RGPD3: variants seen among roughly 807,000 people sequenced by gnomAD.
RGPD3 encodes RANBP2 like and GRIP domain containing 3, also known as ranBP2-like and GRIP domain-containing protein 3.
A neutral mutation model predicts 154.5 loss-of-function variants in RGPD3; 62 were observed. That is an observed-to-expected ratio of 0.40 (90% CI 0.33 to 0.50). The LOEUF is 0.50. Among genes scored for constraint, RGPD3 ranks in the 20% least tolerant of loss-of-function variants. The probability of loss-of-function intolerance (pLI) is 0.59; values close to 1 mark genes in which losing one functional copy is unlikely to be tolerated. For synonymous variants in RGPD3, 308 were observed against 607.0 expected, an observed-to-expected ratio of 0.51 and a Z score of 7.24; for missense variants, 919 against 1,716.8, an observed-to-expected ratio of 0.54 and a Z score of 8.21.
upstream of RGPD3, among the ~76,000 whole-genome samples, chr2:106,470,149 A>T (rs977065468): frequency 6.6e-6 from 1 of 152,220 alleles, no homozygotes; most frequent in South Asian, 2.1e-4. Flanking sequence ...AGCACATAGA[A>T]AATGCCCAAA....
chr2:106,449,050 T>A (rs950213417), intron 6 of RGPD3, among the ~76,000 whole-genome samples: 4 of 151,580 alleles, frequency 2.6e-5, no homozygotes, highest in African/African-American at 9.7e-5. Flanking sequence ...AAAGAGGAAG[T>A]AAATGAGAAT....
intron 22 of RGPD3, among the ~76,000 whole-genome samples, chr2:106,411,344 GT>G (rs1406060193): frequency 1.5e-5 from 2 of 134,628 alleles, no homozygotes; most frequent in African/African-American, 5.6e-5. Context: ...CATCTATGAT[GT>G]ATTTTTGTCC....
intron 22 of RGPD3, among the ~76,000 whole-genome samples, chr2:106,408,553 GGTATTTACCAACACTCATGTA>G (rs1676577251): frequency 7.1e-6 from 1 of 141,050 alleles, no homozygotes; most frequent in Non-Finnish European, 1.5e-5. Flanking sequence ...GATACAGTCA[GGTATTTACCAACACTCATGTA>G]TATATGTAGA....
rs776159231 is a variant in RGPD3 at position 106,405,235 on chromosome 2, G to C, written c.5267-6C>G. ...GGAAGCATTTTATTCCTCACCTTTG[G>C]AAAGTAAAACAAAAAAAAAGAAAAA... is the stretch of plus-strand genomic sequence containing the variant. On this transcript the variant is annotated splice_polypyrimidine_tract_variant and splice_region_variant and intron_variant, in intron 22 of 22. Coordinates refer to ENST00000409886, the MANE Select transcript of RGPD3 (RefSeq NM_001144013.2). 50 of 1,602,942 alleles carry C rather than the reference G, an allele frequency of 3.1e-5. No individual in the cohort carries two copies. Among genetic ancestry groups the C allele is most frequent in the Non-Finnish European group, 4.2e-5 (49 of 1,177,430 alleles).
chr2:106,407,133 T>A (rs1457403092), intron 22 of RGPD3, among the ~76,000 whole-genome samples: 1 of 150,272 alleles, frequency 6.7e-6, no homozygotes, highest in Non-Finnish European at 1.5e-5. Context: ...ACTTATGTGG[T>A]AGTTGGAAGA....
chr2:106,464,184 A>G (rs976877407), intron 1 of RGPD3, among the ~76,000 whole-genome samples: 8 of 152,024 alleles, frequency 5.3e-5, no homozygotes, highest in Admixed American at 3.9e-4. Context: ...TCTCTACTAA[A>G]AACACTAAAA....
intron 6 of RGPD3, among the ~76,000 whole-genome samples, 193 bp from the exon 7 acceptor site, chr2:106,447,806 T>C (rs970538625): frequency 3.4e-5 from 5 of 149,170 alleles, no homozygotes; most frequent in African/African-American, 1.2e-4. Flanking sequence ...ATACTTCCTA[T>C]ACTTCATGCT....
At position 106,432,778 on chromosome 2, in the gene RGPD3, T is replaced by TAA. The variant is rs71272785; in HGVS notation, c.2469+155_2469+156dup. Among the ~76,000 whole-genome samples, 524 of 76,048 alleles carry TAA rather than the reference T, an allele frequency of 6.9e-3. 5 individuals carry two copies. The highest frequency in any genetic ancestry group is 0.016 in the African/African-American group (344 of 20,942). The allele number at this position is 76,048 out of a possible 152,430, so 49.9% of individuals were successfully genotyped here. Reference sequence around the variant, plus strand: ...CAGCCTGCACAACAAGACCCTGCCTTAAAAAAAAAAAAAAAAAAAAAAGAC... The same window carrying TAA: ...CAGCCTGCACAACAAGACCCTGCCTTAAAAAAAAAAAAAAAAAAAAAAAAGAC... On this transcript the variant is annotated intron_variant, in intron 17 of 22. Transcript: ENST00000409886.
intron 21 of RGPD3, among the ~76,000 whole-genome samples, chr2:106,414,458 G>T (rs1331578114): frequency 6.6e-6 from 1 of 151,330 alleles, no homozygotes; most frequent in African/African-American, 2.4e-5. Context: ...CATGCCTCTA[G>T]TAAAATAAAA....
rs1676490703 is a variant in RGPD3, at chr2:106,405,552, T to C, written c.5267-323A>G. On this transcript the variant is annotated intron_variant, in intron 22 of 22. Transcript: ENST00000409886. ...CCACCATGCCTGGGTAATTTTTTGT[T>C]TTTTGGTAGAGATGCAGGTCTCACT... Among the ~76,000 whole-genome samples, 3 of 151,676 alleles carry C rather than the reference T, an allele frequency of 2.0e-5. No individual in the cohort carries two copies. The South Asian group carries it at 6.2e-4, about 32-fold the overall frequency.
At chr2:106,467,191 A>C (rs1321575159) in intron 1 of RGPD3, among the ~76,000 whole-genome samples, 1 of 1,338 alleles carries the variant, frequency 7.5e-4, no homozygotes, top group Non-Finnish European at 1.3e-3. Context: ...CCGCCTCAAC[A>C]GAGCGCGCCA....
intron 18 of RGPD3, among the ~76,000 whole-genome samples, chr2:106,427,109 A>T (rs1321156644): frequency 4.6e-4 from 69 of 150,778 alleles, no homozygotes; most frequent in Non-Finnish European, 6.8e-4. Flanking sequence ...AGGGACTTTA[A>T]TTGACTACTG....
At chr2:106,437,540 G>T (rs1408749910) in intron 9 of RGPD3, among the ~76,000 whole-genome samples, 1 of 152,134 alleles carries the variant, frequency 6.6e-6, no homozygotes, top group Non-Finnish European at 1.5e-5. Flanking sequence ...GAAAAGAAAA[G>T]GTTATGCGCT....
rs1573256100 is a variant in RGPD3 at position 106,425,267 on chromosome 2, C to T, written c.2701-1G>A. The T allele has an allele frequency of 1.2e-6, 2 of 1,610,722 alleles. No homozygotes were observed. Among genetic ancestry groups the T allele is most frequent in the East Asian group, 4.5e-5 (2 of 44,850 alleles). On this transcript the variant is annotated splice_acceptor_variant, in intron 19 of 22. Transcript: ENST00000409886. LOFTEE classifies it high-confidence loss of function. ...ACTTAAATTCTGTATTAGAAGAACC[C>T]TGAAACATAAATGAAGGTGAATTTT... is the stretch of plus-strand genomic sequence containing the variant.
chr2:106,459,454 T>C, intron 1 of RGPD3, 122 bp from the exon 2 acceptor site: 3 of 425,618 alleles, frequency 7.0e-6, no homozygotes, highest in Admixed American at 4.1e-5. Flanking sequence ...CACTTAAAAG[T>C]TTTTTTTAAA....
At chr2:106,408,568 T>G (rs1037150066) in intron 22 of RGPD3, among the ~76,000 whole-genome samples, 19 of 139,940 alleles carry the variant, frequency 1.4e-4, no homozygotes, top group African/African-American at 4.6e-4. Flanking sequence ...TTACCAACAC[T>G]CATGTATATA....
rs1376423143 is a variant in RGPD3, at chr2:106,410,258, C to G, written c.5266+2826G>C. Among the ~76,000 whole-genome samples the G allele has an allele frequency of 1.3e-5, 2 of 152,104 alleles. 1 individual carries two copies. The highest frequency in any genetic ancestry group is 3.9e-4 in the East Asian group (2 of 5,178). The stretch of plus-strand genomic sequence containing the variant: ...ATGGTTTTTAATTATAATAAGGTCT[C>G]TTTTATGTACTCACATTGATAAGAG... On this transcript the variant is annotated intron_variant, in intron 22 of 22. Transcript: ENST00000409886.
At position 106,436,172 on chromosome 2, in the gene RGPD3, C is replaced by T. The variant is rs762409012; in HGVS notation, c.1709G>A (p.Gly570Asp). ...INTLRAQEKH[G>D]LQPALLVHWA... Reference sequence around the variant, plus strand: ...ATGTACAAGCAGAGCAGGTTGAAGGCCATGTTTTTCCTGGGCTCTTAGAGT... The same window carrying T: ...ATGTACAAGCAGAGCAGGTTGAAGGTCATGTTTTTCCTGGGCTCTTAGAGT... Residue 570 changes from glycine (G) to aspartate (D), a missense_variant, in exon 12 of 23, where the codon GGC becomes GAC. By Grantham distance (94) the Gly-to-Asp change is moderately conservative. Coordinates refer to ENST00000409886, the MANE Select transcript of RGPD3 (RefSeq NM_001144013.2). 22 of 1,611,590 alleles carry T rather than the reference C, an allele frequency of 1.4e-5. No homozygotes were observed. In the South Asian group the frequency reaches 1.9e-4, roughly 14 times the overall value.
intron 8 of RGPD3, among the ~76,000 whole-genome samples, chr2:106,439,791 G>A (rs1365385894): frequency 9.1e-4 from 83 of 91,014 alleles, no homozygotes; most frequent in African/African-American, 2.2e-3. Context: ...GTGTGAACCC[G>A]GGAGGCGGAG....
Sources: gnomAD v4.1 joint callset for allele counts (sites outside exome capture counted in the v4.1 genomes callset) on GRCh38, gnomAD v4.1.1 for gene constraint, MANE v1.5 for transcripts, NCBI Gene and HGNC (gene_info 2026-07-23, HGNC 2026-07-21) for gene names.